UMAD1: variants seen among roughly 807,000 people sequenced by gnomAD.
UMAD1 encodes the protein UBAP1-MVB12-associated (UMA)-domain containing protein 1.
Under a neutral mutation model 6.1 loss-of-function variants are expected in UMAD1, and 8 were observed. The observed-to-expected ratio is 1.30, with a 90% CI of 0.76 to 2.35. UMAD1 has a LOEUF of 2.35. Among genes scored for constraint, UMAD1 ranks in the 30% most tolerant of loss-of-function variants. The probability of loss-of-function intolerance (pLI) is 0.00; values close to 1 mark genes in which losing one functional copy is unlikely to be tolerated. For synonymous variants in UMAD1, 56 were observed against 31.4 expected, an observed-to-expected ratio of 1.78 and a Z score of -2.61; for missense variants, 130 against 78.4, an observed-to-expected ratio of 1.66 and a Z score of -2.49.
chr7:7,670,709 T>C (rs1779585168), intron 1 of UMAD1, among the ~76,000 whole-genome samples: 1 of 152,172 alleles, frequency 6.6e-6, no homozygotes, highest in South Asian at 2.1e-4. Context: ...CTTCATGAAC[T>C]AAAAAGACAA....
chr7:7,876,543 A>G (rs974346403), intron 3 of UMAD1, among the ~76,000 whole-genome samples: 1 of 152,158 alleles, frequency 6.6e-6, no homozygotes, highest in Non-Finnish European at 1.5e-5. Context: ...ATTGATTGAT[A>G]TTTAGGTGAT....
chr7:7,782,292 C>T (rs996123345), intron 2 of UMAD1, among the ~76,000 whole-genome samples: 4 of 151,856 alleles, frequency 2.6e-5, no homozygotes, highest in South Asian at 2.1e-4. Flanking sequence ...TTTTTTCTCA[C>T]GTATTCTCAT....
intron 3 of UMAD1, among the ~76,000 whole-genome samples, chr7:7,869,699 A>G (rs1184579687): frequency 6.6e-6 from 1 of 152,210 alleles, no homozygotes; most frequent in African/African-American, 2.4e-5. Flanking sequence ...GGATATAGCT[A>G]AGTAGATGAG....
intron 3 of UMAD1, among the ~76,000 whole-genome samples, chr7:7,844,950 T>A (rs1409441539): frequency 2.0e-5 from 3 of 152,152 alleles, no homozygotes; most frequent in Non-Finnish European, 4.4e-5. Flanking sequence ...TTCTGTTTAG[T>A]ACAAAAGAAT....
At chr7:7,800,865 C>G (rs139029118) in intron 2 of UMAD1, among the ~76,000 whole-genome samples, 9 of 152,312 alleles carry the variant, frequency 5.9e-5, no homozygotes, top group African/African-American at 2.2e-4. Context: ...CTGCTGTGGA[C>G]ATTCCTAAGA....
chr7:7,838,038 TA>T (rs1416654421), intron 3 of UMAD1, among the ~76,000 whole-genome samples: 1 of 151,976 alleles, frequency 6.6e-6, no homozygotes, highest in Non-Finnish European at 1.5e-5. Flanking sequence ...TTATATAAAG[TA>T]AAAAATGGAC....
At position 7,745,991 on chromosome 7, in the gene UMAD1, C is replaced by T. The variant is rs146657172; in HGVS notation, c.83-55679C>T. Among the ~76,000 whole-genome samples, 228 of 152,334 alleles carry T rather than the reference C, an allele frequency of 1.5e-3. 1 individual carries two copies. Among genetic ancestry groups the T allele is most frequent in the African/African-American group, 5.2e-3 (216 of 41,560 alleles). ...GCTCAAGAGATCCTCCCACCTCAGC[C>T]CCCTGAGTAGCTAGGACTACAGGCA... is the stretch of plus-strand genomic sequence containing the variant. On this transcript the variant is annotated intron_variant, in intron 2 of 3. Transcript: ENST00000682710.
intron 3 of UMAD1, among the ~76,000 whole-genome samples, chr7:7,829,223 C>T (rs1214031509): frequency 6.6e-6 from 1 of 152,012 alleles, no homozygotes; most frequent in Non-Finnish European, 1.5e-5. Flanking sequence ...ATAGATCTTT[C>T]CTGATGAACA....
chr7:7,690,159 G>A (rs1780140098), intron 2 of UMAD1, among the ~76,000 whole-genome samples: 1 of 152,144 alleles, frequency 6.6e-6, no homozygotes, highest in African/African-American at 2.4e-5. Context: ...TATTAAGTCA[G>A]CAATTCTGCT....
chr7:7,810,099 C>T (rs1244683345), intron 3 of UMAD1, among the ~76,000 whole-genome samples: 1 of 151,870 alleles, frequency 6.6e-6, no homozygotes, highest in African/African-American at 2.4e-5. Context: ...TAGTGGATGC[C>T]AGGATTTCAG....
chr7:7,806,449 C>T (rs1006579494), intron 3 of UMAD1, among the ~76,000 whole-genome samples: 2 of 152,110 alleles, frequency 1.3e-5, no homozygotes, highest in African/African-American at 4.8e-5. Flanking sequence ...GGGGCTATAG[C>T]TTAATTAGCT....
At chr7:7,783,591 G>A (rs930881182) in intron 2 of UMAD1, among the ~76,000 whole-genome samples, 1 of 152,104 alleles carries the variant, frequency 6.6e-6, no homozygotes, top group South Asian at 2.1e-4. Flanking sequence ...GCTGCTTCCA[G>A]GTCTTAACTA....
chr7:7,802,263 A>G (rs887227480), intron 3 of UMAD1, among the ~76,000 whole-genome samples: 3 of 152,172 alleles, frequency 2.0e-5, no homozygotes, highest in Non-Finnish European at 4.4e-5. Flanking sequence ...CTGTCATCCC[A>G]GCTACTTGGG....
At chr7:7,847,826 C>T (rs1783838824) in intron 3 of UMAD1, among the ~76,000 whole-genome samples, 3 of 152,130 alleles carry the variant, frequency 2.0e-5, no homozygotes. Context: ...GCTGGGATTA[C>T]AGGCATGAGG....
At position 7,833,163 on chromosome 7, in the gene UMAD1, G is replaced by A. The variant is rs546140240; in HGVS notation, c.156+31420G>A. On this transcript the variant is annotated intron_variant, in intron 3 of 3. Transcript: ENST00000682710. ...AGCTGACACTGTGGAGGCACTGCGTGGTTTTGATGGAGAGTGATAGACTAG... is the reference window on the plus strand; with the variant it reads ...AGCTGACACTGTGGAGGCACTGCGTAGTTTTGATGGAGAGTGATAGACTAG... 2.0e-5 allele frequency among the ~76,000 whole-genome samples: 3 copies of A among 152,248 alleles called. No homozygotes were observed. The South Asian group carries it at 6.2e-4, about 32-fold the overall frequency.
At chr7:7,737,643 TATTTTA>T in intron 2 of UMAD1, among the ~76,000 whole-genome samples, 1 of 152,364 alleles carries the variant, frequency 6.6e-6, no homozygotes. Context: ...GTTGTACTAT[TATTTTA>T]AAGTGTACAT....
intron 2 of UMAD1, among the ~76,000 whole-genome samples, chr7:7,683,771 C>T (rs1779971276): frequency 6.6e-6 from 1 of 152,084 alleles, no homozygotes; most frequent in Non-Finnish European, 1.5e-5. Flanking sequence ...TACAGGCATG[C>T]ACCACCACAC....
chr7:7,739,329 A>G (rs1281546159), intron 2 of UMAD1, among the ~76,000 whole-genome samples: 1 of 152,130 alleles, frequency 6.6e-6, no homozygotes, highest in Non-Finnish European at 1.5e-5. Context: ...AATTTATCAT[A>G]TTTTTAGTAA....
At chr7:7,778,494 G>A (rs1337414208) in intron 2 of UMAD1, among the ~76,000 whole-genome samples, 1 of 151,530 alleles carries the variant, frequency 6.6e-6, no homozygotes, top group Non-Finnish European at 1.5e-5. Flanking sequence ...TGCGATCACA[G>A]CTCAATGCAG....
Sources: gnomAD v4.1 joint callset for allele counts (sites outside exome capture counted in the v4.1 genomes callset) on GRCh38, gnomAD v4.1.1 for gene constraint, MANE v1.5 for transcripts, NCBI Gene and HGNC (gene_info 2026-07-23, HGNC 2026-07-21) for gene names.